SLC44A5: variants seen among roughly 807,000 people sequenced by gnomAD.
The protein encoded by SLC44A5 is choline transporter-like protein 5.
SLC44A5 carries 57 observed loss-of-function variants against 101.8 expected under a neutral mutation model. That is an observed-to-expected ratio of 0.56 (90% CI 0.45 to 0.70). The LOEUF (loss-of-function observed/expected upper bound fraction) is 0.70, where lower values mean the gene tolerates loss of function less well. Among genes scored for constraint, SLC44A5 ranks in the 30% least tolerant of loss-of-function variants. SLC44A5 has a pLI of 0.00. For missense variants in SLC44A5, 737 were observed against 853.1 expected, an observed-to-expected ratio of 0.86 and a Z score of 1.70; for synonymous variants, 281 against 290.9, an observed-to-expected ratio of 0.97 and a Z score of 0.35.
At chr1:75,702,558 A>G in the SLC44A5 span, among the ~76,000 whole-genome samples, 2 of 152,186 alleles carry the variant, frequency 1.3e-5, no homozygotes, top group African/African-American at 2.4e-5. Context: ...TAAAAACCCT[A>G]GAAGAAAACC....
intron 12 of SLC44A5, among the ~76,000 whole-genome samples, chr1:75,228,434 T>C: frequency 6.6e-6 from 1 of 152,154 alleles, no homozygotes; most frequent in East Asian, 1.9e-4. Flanking sequence ...AAATGTTCTG[T>C]TTCCTTACAT....
intron 22 of SLC44A5, 95 bp from the exon 23 acceptor site, chr1:75,211,647 T>G: frequency 1.1e-6 from 1 of 878,900 alleles, no homozygotes; most frequent in Non-Finnish European, 1.8e-6. Context: ...GAGAAAGTTT[T>G]GAAGTACTCT....
At chr1:75,203,856 G>T (rs1385245342) in intron 23 of SLC44A5, 23 bp from the exon 24 acceptor site, 17 of 1,535,556 alleles carry the variant, frequency 1.1e-5, no homozygotes, top group Non-Finnish European at 1.5e-5. Context: ...ATGGTACAGA[G>T]TAAATATCAA....
intron 3 of SLC44A5, among the ~76,000 whole-genome samples, chr1:75,346,632 A>G (rs1238137225): frequency 6.6e-6 from 1 of 152,168 alleles, no homozygotes; most frequent in Admixed American, 6.6e-5. Context: ...GAATAAATAA[A>G]TTCTGAATCA....
chr1:75,371,779 T>C (rs563861217), intron 3 of SLC44A5, among the ~76,000 whole-genome samples: 59 of 152,330 alleles, frequency 3.9e-4, no homozygotes, highest in African/African-American at 1.4e-3. Flanking sequence ...TTTTTTTATT[T>C]AGTTCAACCT....
At chr1:75,388,685 A>G (rs1431583701) in intron 3 of SLC44A5, among the ~76,000 whole-genome samples, 2 of 151,986 alleles carry the variant, frequency 1.3e-5, no homozygotes, top group African/African-American at 4.8e-5. Flanking sequence ...AGGCTGAGGC[A>G]GGAGAATGGC....
the SLC44A5 span, among the ~76,000 whole-genome samples, chr1:75,649,932 A>G: frequency 7.9e-5 from 12 of 152,164 alleles, no homozygotes; most frequent in African/African-American, 1.4e-4. Flanking sequence ...AAAGTATTTA[A>G]TAAGTCTTGA....
Position 75,424,232 on chromosome 1 carries a change from C to T in SLC44A5, c.14-27611G>A, listed in dbSNP as rs148991657. On this transcript the variant is annotated intron_variant, in intron 2 of 23. Coordinates refer to ENST00000370859, the MANE Select transcript of SLC44A5 (RefSeq NM_001130058.2). ...ACGTTAATAGATTAACAAAGATCTGCCTACACACCCCACCCCCTTGAGCTT... is the reference window on the plus strand; with the variant it reads ...ACGTTAATAGATTAACAAAGATCTGTCTACACACCCCACCCCCTTGAGCTT... Among the ~76,000 whole-genome samples the T allele has an allele frequency of 1.4e-3, 220 of 152,296 alleles. 1 individual carries two copies. The highest frequency in any genetic ancestry group is 5.0e-3 in the African/African-American group (206 of 41,564).
At chr1:75,484,637 C>A (rs1313073001) in intron 2 of SLC44A5, among the ~76,000 whole-genome samples, 1 of 152,206 alleles carries the variant, frequency 6.6e-6, no homozygotes, top group Admixed American at 6.5e-5. Context: ...TCTTACAGCT[C>A]CCCTAGGCAA....
chr1:75,237,117 A>G, intron 10 of SLC44A5, 47 bp from the exon 11 acceptor site: 1 of 1,138,634 alleles, frequency 8.8e-7, no homozygotes, highest in Middle Eastern at 2.0e-4. Context: ...GATGACCACT[A>G]AACAGAAATG....
chr1:75,686,894 A>G, the SLC44A5 span, among the ~76,000 whole-genome samples: 1 of 152,200 alleles, frequency 6.6e-6, no homozygotes, highest in Non-Finnish European at 1.5e-5. Flanking sequence ...GGACTTGCTG[A>G]TGTATGGATT....
intron 2 of SLC44A5, among the ~76,000 whole-genome samples, chr1:75,406,246 A>G (rs778974263): frequency 1.6e-4 from 24 of 152,154 alleles, no homozygotes; most frequent in Non-Finnish European, 3.1e-4. Flanking sequence ...AAAAAGCCCA[A>G]GACCAGATAG....
chr1:75,426,957 G>C (rs1023462229), intron 2 of SLC44A5, among the ~76,000 whole-genome samples: 5 of 152,226 alleles, frequency 3.3e-5, no homozygotes, highest in African/African-American at 9.6e-5. Context: ...GGGTGCTCAT[G>C]ATATTGGCTG....
the SLC44A5 span, among the ~76,000 whole-genome samples, chr1:75,652,089 TC>T: frequency 6.6e-6 from 1 of 151,966 alleles, no homozygotes; most frequent in Non-Finnish European, 1.5e-5. Flanking sequence ...CTGGGAACAT[TC>T]AACTGGTAAG....
At chr1:75,720,786 C>T in the SLC44A5 span, among the ~76,000 whole-genome samples, 2 of 146,286 alleles carry the variant, frequency 1.4e-5, no homozygotes, top group African/African-American at 5.1e-5. Flanking sequence ...AAATATGAGA[C>T]TTCAATCAAA....
At chr1:75,473,212 A>G (rs1452691727) in intron 2 of SLC44A5, among the ~76,000 whole-genome samples, 2 of 152,216 alleles carry the variant, frequency 1.3e-5, no homozygotes, top group Admixed American at 6.5e-5. Flanking sequence ...CAGGGCCTAC[A>G]TGGGAGTTCC....
At chr1:75,235,968 C>T (rs1195284980) in intron 11 of SLC44A5, among the ~76,000 whole-genome samples, 1 of 151,988 alleles carries the variant, frequency 6.6e-6, no homozygotes, top group African/African-American at 2.4e-5. Flanking sequence ...CACACATGTA[C>T]ACACATGATG....
intron 7 of SLC44A5, among the ~76,000 whole-genome samples, chr1:75,244,408 A>G (rs954856109): frequency 1.3e-5 from 2 of 152,082 alleles, no homozygotes; most frequent in Admixed American, 6.6e-5. Context: ...TCAGGGTTAA[A>G]ATCTTCCTTC....
intron 2 of SLC44A5, among the ~76,000 whole-genome samples, chr1:75,516,458 A>C (rs901145397): frequency 2.0e-5 from 3 of 152,200 alleles, no homozygotes; most frequent in African/African-American, 7.2e-5. Context: ...CGGAGCTTGC[A>C]GTGAGCGGAG....
Sources: allele counts gnomAD v4.1 joint callset (sites outside exome capture counted in the v4.1 genomes callset), GRCh38; gene constraint gnomAD v4.1.1; transcripts MANE v1.5; gene names NCBI Gene and HGNC (gene_info 2026-07-23, HGNC 2026-07-21).